MANBA: variants seen among roughly 807,000 people sequenced by gnomAD.
MANBA encodes the protein beta-mannosidase.
In MANBA, 83 loss-of-function variants were observed where a neutral mutation model predicts 111.1. The observed-to-expected ratio is 0.75, with a 90% CI of 0.63 to 0.90. MANBA has a LOEUF of 0.90. Among genes scored for constraint, MANBA ranks in the 40% least tolerant of loss-of-function variants. MANBA has a pLI of 0.00. For synonymous variants in MANBA, 370 were observed against 378.7 expected, an observed-to-expected ratio of 0.98 and a Z score of 0.27; for missense variants, 1,036 against 1,069.0, an observed-to-expected ratio of 0.97 and a Z score of 0.43.
chr4:102,758,657 C>T (rs1724116198), intron 1 of MANBA, among the ~76,000 whole-genome samples: 1 of 151,920 alleles, frequency 6.6e-6, no homozygotes, highest in African/African-American at 2.4e-5. Flanking sequence ...ATCCTCCCAC[C>T]TCAGCCTCCC....
intron 12 of MANBA, among the ~76,000 whole-genome samples, chr4:102,655,734 G>A (rs1182176291): frequency 1.3e-5 from 2 of 152,054 alleles, no homozygotes; most frequent in Non-Finnish European, 2.9e-5. Flanking sequence ...TGCCATTTGG[G>A]GTGAGGCAAT....
intron 16 of MANBA, chr4:102,633,337 G>T: frequency 2.5e-6 from 1 of 398,664 alleles, no homozygotes; most frequent in Admixed American, 4.4e-5. Flanking sequence ...AAGCTGCCAG[G>T]GTAGCATCAG....
At chr4:102,753,915 A>C (rs1723904923) in intron 1 of MANBA, 1 of 440,690 alleles carries the variant, frequency 2.3e-6, no homozygotes, top group South Asian at 1.6e-5. Flanking sequence ...AGACCATGAG[A>C]ATCGCTTGAA....
At chr4:102,714,341 A>T in intron 5 of MANBA, 97 bp downstream of exon 5, 1 of 1,224,254 alleles carries the variant, frequency 8.2e-7, no homozygotes, top group South Asian at 1.3e-5. Context: ...TAAAAATTCT[A>T]AATCTCTGAA....
intron 12 of MANBA, among the ~76,000 whole-genome samples, chr4:102,655,969 C>T (rs1730540310): frequency 6.6e-6 from 1 of 152,066 alleles, no homozygotes; most frequent in Non-Finnish European, 1.5e-5. Context: ...TTAAAATGAT[C>T]AGGCCATGCA....
intron 1 of MANBA, 119 bp downstream of exon 1, chr4:102,760,599 G>A (rs1724202993): frequency 8.9e-7 from 1 of 1,126,160 alleles, no homozygotes. Context: ...CAAAGGGGAA[G>A]TTACTACCAA....
intron 5 of MANBA, among the ~76,000 whole-genome samples, chr4:102,692,932 AC>A (rs1357356637): frequency 6.6e-6 from 1 of 152,162 alleles, no homozygotes. Flanking sequence ...ACTGTTTACA[AC>A]TGTAGGAGCA....
intron 11 of MANBA, among the ~76,000 whole-genome samples, chr4:102,660,101 A>G (rs751331133): frequency 2.6e-5 from 4 of 152,182 alleles, no homozygotes; most frequent in Non-Finnish European, 2.9e-5. Flanking sequence ...TGTCTTGCCA[A>G]CATCGCAAAT....
At chr4:102,730,119 C>G in intron 1 of MANBA, 2 of 1,183,402 alleles carry the variant, frequency 1.7e-6, no homozygotes, top group Non-Finnish European at 2.3e-6. Flanking sequence ...GCTGAAGGCC[C>G]GGGGCCCAGA....
chr4:102,735,585 A>C (rs1430477354), intron 1 of MANBA, among the ~76,000 whole-genome samples: 1 of 151,936 alleles, frequency 6.6e-6, no homozygotes, highest in Non-Finnish European at 1.5e-5. Flanking sequence ...CCAAAGGCCA[A>C]TCAACCAACC....
At position 102,702,341 on chromosome 4, in the gene MANBA, C is replaced by A. The variant is rs185660318; in HGVS notation, c.674-11570G>T. On this transcript the variant is annotated intron_variant, in intron 5 of 16. Transcript: ENST00000647097. ...TAGCTCGTAGTTTGATCGCCTGAAG[C>A]CTTCTTCTCTCAACTTGTCAAAGTC... Among the ~76,000 whole-genome samples the A allele has an allele frequency of 3.0e-4, 45 of 152,156 alleles. 1 individual carries two copies. The East Asian group carries it at 8.3e-3, about 28-fold the overall frequency.
chr4:102,656,272 GC>G (rs1730553880), intron 12 of MANBA, among the ~76,000 whole-genome samples: 1 of 151,922 alleles, frequency 6.6e-6, no homozygotes, highest in South Asian at 2.1e-4. Flanking sequence ...AAACAAAATG[GC>G]TAAAGGATTT....
intron 11 of MANBA, among the ~76,000 whole-genome samples, chr4:102,662,414 C>T (rs1731005943): frequency 1.3e-5 from 2 of 151,890 alleles, no homozygotes; most frequent in Non-Finnish European, 2.9e-5. Context: ...GTGGTGCATG[C>T]CCGTAATCCC....
At chr4:102,721,563 T>C (rs1722574395) in intron 4 of MANBA, among the ~76,000 whole-genome samples, 1 of 152,180 alleles carries the variant, frequency 6.6e-6, no homozygotes, top group Admixed American at 6.5e-5. Flanking sequence ...ATGTGGTATA[T>C]GCATAGAATG....
chr4:102,642,487 G>A (rs1729922874), intron 13 of MANBA, among the ~76,000 whole-genome samples: 1 of 152,090 alleles, frequency 6.6e-6, no homozygotes, highest in South Asian at 2.1e-4. Context: ...CATGCCTGTA[G>A]TCCCAGCTAC....
At position 102,634,938 on chromosome 4, in the gene MANBA, A is replaced by G. The variant is rs747986055; in HGVS notation, c.2265T>C (p.Ser755=). The change falls in exon 16 of 17, where the codon TCT becomes TCC. Residue 755 remains serine, a synonymous_variant. Coordinates refer to ENST00000647097, the MANE Select transcript of MANBA (RefSeq NM_005908.4). ...AATTCCCACATCTCCTCAGCAATTC[A>G]GACACTGGCTCCTCATAAAGGCAGA... The part of the protein sequence containing the change: ...EAVCLYEEPV[S]ELLRRCGNCT... 6.2e-6 allele frequency: 10 copies of G among 1,614,116 alleles called. No individual in the cohort carries two copies. Among genetic ancestry groups the G allele is most frequent in the Middle Eastern group, 1.6e-4 (1 of 6,084 alleles).
chr4:102,734,366 T>C, intron 1 of MANBA: 3 of 1,609,320 alleles, frequency 1.9e-6, no homozygotes, highest in Non-Finnish European at 2.5e-6. Context: ...CCATGGCCTC[T>C]GACCTAGACT....
intron 1 of MANBA, chr4:102,730,003 C>A: frequency 1.2e-6 from 1 of 851,132 alleles, no homozygotes; most frequent in Non-Finnish European, 2.0e-6. Context: ...ACGCTGCTGC[C>A]CTCACCATAG....
chr4:102,701,781 C>G (rs1393150769), intron 5 of MANBA, among the ~76,000 whole-genome samples: 1 of 151,998 alleles, frequency 6.6e-6, no homozygotes, highest in Non-Finnish European at 1.5e-5. Flanking sequence ...TTCTCTCTGG[C>G]TGCCCTTAAC....
Sources: gnomAD v4.1 joint callset for allele counts (sites outside exome capture counted in the v4.1 genomes callset) on GRCh38, gnomAD v4.1.1 for gene constraint, MANE v1.5 for transcripts, NCBI Gene and HGNC (gene_info 2026-07-23, HGNC 2026-07-21) for gene names.